RALA: variants seen among roughly 807,000 people sequenced by gnomAD.
RALA encodes the protein ras-related protein Ral-A.
A neutral mutation model predicts 24.0 loss-of-function variants in RALA; 5 were observed. That is an observed-to-expected ratio of 0.21 (90% CI 0.11 to 0.44). The LOEUF (loss-of-function observed/expected upper bound fraction) is 0.44, where lower values mean the gene tolerates loss of function less well. Among genes scored for constraint, RALA ranks in the 20% least tolerant of loss-of-function variants. The pLI is 0.99. For missense variants in RALA, 95 were observed against 241.2 expected, an observed-to-expected ratio of 0.39 and a Z score of 4.01; for synonymous variants, 77 against 83.8, an observed-to-expected ratio of 0.92 and a Z score of 0.44.
intron 4 of RALA, among the ~76,000 whole-genome samples, chr7:39,697,670 T>C (rs3779200): frequency 0.21 from 31,195 of 152,152 alleles, 3,477 homozygotes; most frequent in South Asian, 0.3. Context: ...TTTGGATTCA[T>C]TTGGTCTGGA....
chr7:39,632,016 G>A (rs1433453126), intron 1 of RALA, among the ~76,000 whole-genome samples: 2 of 152,156 alleles, frequency 1.3e-5, no homozygotes, highest in Non-Finnish European at 2.9e-5. Context: ...TGAGAGAGAG[G>A]AGGAGGTTCT....
chr7:39,672,649 T>TAA (rs35948897), intron 1 of RALA, among the ~76,000 whole-genome samples: 4,535 of 141,482 alleles, frequency 0.032, 76 homozygotes, highest in African/African-American at 0.039. Flanking sequence ...TATTCAGTCG[T>TAA]AAAAAAAAAA....
intron 1 of RALA, among the ~76,000 whole-genome samples, chr7:39,678,466 A>G (rs1000277671): frequency 2.0e-5 from 3 of 152,248 alleles, no homozygotes; most frequent in East Asian, 1.9e-4. Flanking sequence ...AGTAGCTCGT[A>G]TGAGCATGGT....
At chr7:39,686,582 T>C (rs1203217560) in intron 1 of RALA, 49 bp from the exon 2 acceptor site, 8 of 1,065,674 alleles carry the variant, frequency 7.5e-6, no homozygotes, top group Non-Finnish European at 1.2e-5. Context: ...TACACTGGAA[T>C]TCTAAAGAAG....
chr7:39,654,661 T>C (rs1414660280), intron 1 of RALA, among the ~76,000 whole-genome samples: 2 of 152,198 alleles, frequency 1.3e-5, no homozygotes, highest in Non-Finnish European at 2.9e-5. Context: ...TCTAGAACTT[T>C]TGTGGCTTTA....
At chr7:39,664,219 A>G (rs1404178996) in intron 1 of RALA, among the ~76,000 whole-genome samples, 1 of 152,208 alleles carries the variant, frequency 6.6e-6, no homozygotes, top group African/African-American at 2.4e-5. Flanking sequence ...CGGGTTTATG[A>G]TCAGGGCTGC....
intron 4 of RALA, among the ~76,000 whole-genome samples, chr7:39,701,802 G>A (rs2115559291): frequency 6.6e-6 from 1 of 152,286 alleles, no homozygotes; most frequent in African/African-American, 2.4e-5. Context: ...GCTGGGGCAT[G>A]GCATGTCTCA....
intron 1 of RALA, among the ~76,000 whole-genome samples, chr7:39,641,659 TTTTTG>T (rs1306438947): frequency 1.3e-5 from 2 of 152,222 alleles, no homozygotes; most frequent in Non-Finnish European, 2.9e-5. Context: ...TTTGAAGTGA[TTTTTG>T]TTTTAAGTAA....
chr7:39,694,631 A>G (rs184676763), intron 3 of RALA, among the ~76,000 whole-genome samples: 20 of 152,338 alleles, frequency 1.3e-4, no homozygotes, highest in Admixed American at 1.2e-3. Flanking sequence ...AGCGCTGAGT[A>G]CAATGTTAGT....
chr7:39,681,740 T>C lies in RALA; in HGVS notation c.-37-4891T>C, dbSNP rs984027656. On this transcript the variant is annotated intron_variant, in intron 1 of 4. Transcript: ENST00000005257. ...AAGAAAGCTCATGCCATTTTGTGAC[T>C]TCAAATATCATCTGTAAACTGACGT... Among the ~76,000 whole-genome samples, 4 of 152,298 alleles carry C rather than the reference T, an allele frequency of 2.6e-5. 1 individual carries two copies. Among genetic ancestry groups the C allele is most frequent in the South Asian group, 4.1e-4 (2 of 4,832 alleles).
chr7:39,690,428 A>G lies in RALA; in HGVS notation c.161A>G (p.Lys54Arg). 1 of 1,614,094 alleles carries G rather than the reference A, an allele frequency of 6.2e-7. No individual in the cohort carries two copies. The highest frequency in any genetic ancestry group is 2.2e-5 in the East Asian group (1 of 44,886). The change falls in exon 3 of 5, where the codon AAG becomes AGG. Residue 54 changes from lysine to arginine, a missense_variant. Physicochemically the swap from Lys to Arg is conservative, Grantham distance 26. Transcript: ENST00000005257. ...EPTKADSYRK[K>R]VVLDGEEVQI... The stretch of plus-strand genomic sequence containing the variant: ...ACCAAAGCAGACAGCTATCGGAAGA[A>G]GGTAGTGCTAGATGGGGAGGAAGTC...
intron 1 of RALA, among the ~76,000 whole-genome samples, chr7:39,679,443 G>A (rs994137258): frequency 1.3e-4 from 20 of 152,226 alleles, no homozygotes; most frequent in African/African-American, 4.8e-4. Context: ...TGGATAAAAC[G>A]TTATCCCAGT....
At chr7:39,679,322 T>G (rs1792544132) in intron 1 of RALA, among the ~76,000 whole-genome samples, 1 of 152,172 alleles carries the variant, frequency 6.6e-6, no homozygotes, top group Non-Finnish European at 1.5e-5. Flanking sequence ...GGTTTGATTT[T>G]AATTACAACC....
chr7:39,641,987 A>T (rs1414487271), intron 1 of RALA, among the ~76,000 whole-genome samples: 1 of 152,190 alleles, frequency 6.6e-6, no homozygotes, highest in African/African-American at 2.4e-5. Context: ...CTGGCTTGAG[A>T]TTATCTGCAT....
intron 1 of RALA, among the ~76,000 whole-genome samples, chr7:39,672,675 C>G (rs1792411555): frequency 6.8e-6 from 1 of 147,420 alleles, no homozygotes; most frequent in South Asian, 2.1e-4. Context: ...GATGCATGCA[C>G]TGATACATGC....
intron 1 of RALA, among the ~76,000 whole-genome samples, chr7:39,626,579 T>C (rs1485985643): frequency 1.3e-5 from 2 of 152,210 alleles, no homozygotes; most frequent in Non-Finnish European, 2.9e-5. Context: ...TCTTCTCTTT[T>C]ATCTTCAGCG....
At chr7:39,624,311 T>G (rs1044240074) in intron 1 of RALA, 4 of 20,906 alleles carry the variant, frequency 1.9e-4, no homozygotes, top group Non-Finnish European at 4.8e-4. Context: ...TTTGTTTGTG[T>G]TTTTTTTTTT....
chr7:39,657,217 C>T (rs569493955), intron 1 of RALA, among the ~76,000 whole-genome samples: 9 of 152,224 alleles, frequency 5.9e-5, no homozygotes, highest in Non-Finnish European at 8.8e-5. Flanking sequence ...CTGCCCACCT[C>T]GGCCTCCCAA....
intron 4 of RALA, chr7:39,703,020 A>G (rs1316681067): frequency 6.6e-6 from 1 of 152,238 alleles, no homozygotes; most frequent in Non-Finnish European, 1.5e-5. Context: ...CAAATAATAA[A>G]TGATTGAGAT....
Sources: gnomAD v4.1 joint callset for allele counts (sites outside exome capture counted in the v4.1 genomes callset) on GRCh38, gnomAD v4.1.1 for gene constraint, MANE v1.5 for transcripts, NCBI Gene and HGNC (gene_info 2026-07-23, HGNC 2026-07-21) for gene names.